TNFSF12: variants seen among roughly 807,000 people sequenced by gnomAD.
TNFSF12 encodes tumor necrosis factor ligand superfamily member 12.
A neutral mutation model predicts 31.2 loss-of-function variants in TNFSF12; 16 were observed. The observed-to-expected ratio is 0.51, with a 90% CI of 0.35 to 0.78. The LOEUF is 0.78. TNFSF12 is among the 30% of genes least tolerant of loss of function. The pLI, the probability that TNFSF12 is intolerant of heterozygous loss-of-function variation, is 0.01. For missense variants in TNFSF12, 324 were observed against 338.8 expected, an observed-to-expected ratio of 0.96 and a Z score of 0.34; for synonymous variants, 150 against 151.4, an observed-to-expected ratio of 0.99 and a Z score of 0.07.
rs932416252 is a variant in TNFSF12 at position 7,550,685 on chromosome 17, G to C, written c.284-114G>C. Reference sequence around the variant, plus strand: ...GAGGCCTGAGATTCTAAGGCCAGGAGTCTGGACAAGAATAAGGATGCCAGG... The same window carrying C: ...GAGGCCTGAGATTCTAAGGCCAGGACTCTGGACAAGAATAAGGATGCCAGG... On this transcript the variant is annotated intron_variant, in intron 3 of 6. Transcript: ENST00000293825. The surrounding 1 kb of genome is among the most constrained non-coding windows in gnomAD (Gnocchi z 4.4). 2.1e-5 allele frequency: 31 copies of C among 1,469,820 alleles called. No homozygotes were observed. Among genetic ancestry groups the C allele is most frequent in the Non-Finnish European group, 2.6e-5 (28 of 1,083,062 alleles). The allele number at this position is 1,469,820 out of a possible 1,614,324, so 91.0% of individuals were successfully genotyped here.
chr17:7,549,119 G>T lies in TNFSF12; in HGVS notation c.-35G>T. ...CCCCGATCCCTCGGGTCCCGGGATG[G>T]GGGGGCGGTGAGGCAGGCACAGCCC... On this transcript the variant is annotated 5_prime_UTR_variant, in exon 1 of 7. Coordinates refer to ENST00000293825, the MANE Select transcript of TNFSF12 (RefSeq NM_003809.3). The surrounding 1 kb of genome is among the most constrained non-coding windows in gnomAD (Gnocchi z 4.1). 1.6e-6 allele frequency: 2 copies of T among 1,246,124 alleles called. No individual in the cohort carries two copies. The highest frequency in any genetic ancestry group is 1.0e-6 in the Non-Finnish European group (1 of 996,014). 77.2% of individuals were successfully genotyped at this position (1,246,124 alleles called of 1,614,324 possible). A position where few individuals can be genotyped will look rare whatever the true frequency, so the allele number is the denominator to read the frequency against.
chr17:7,553,482 A>G, intron 5 of TNFSF12: 1 of 489,976 alleles, frequency 2.0e-6, no homozygotes, highest in Non-Finnish European at 4.0e-6. Context: ...ACATGTACTG[A>G]GGGCTTTCTT....
At position 7,556,779 on chromosome 17, in the gene TNFSF12, T is replaced by G; in HGVS notation, c.375T>G (p.Gly125=). 2 of 1,517,590 alleles carry G rather than the reference T, an allele frequency of 1.3e-6. No individual in the cohort carries two copies. Among genetic ancestry groups the G allele is most frequent in the East Asian group, 2.3e-5 (1 of 43,224 alleles). 94.0% of individuals were successfully genotyped at this position (1,517,590 alleles called of 1,614,324 possible). ...TTATCTCTGAGCATCCGTGTTCAGG[T>G]GTGGACGGGACAGTGAGTGGCTGGG... The part of the protein sequence containing the change: ...PRPGQDGAQA[G]VDGTVSGWEE... The change falls in exon 6 of 7, where the codon GGT becomes GGG. Residue 125 remains glycine (G), a splice_region_variant and synonymous_variant. Coordinates refer to ENST00000293825, the MANE Select transcript of TNFSF12 (RefSeq NM_003809.3).
intron 5 of TNFSF12, among the ~76,000 whole-genome samples, chr17:7,554,357 A>G (rs1597826178): frequency 8.3e-6 from 1 of 120,646 alleles, no homozygotes; most frequent in South Asian, 2.9e-4. Flanking sequence ...TCTGTCGCCC[A>G]GGCTGGAGTG....
chr17:7,556,690 C>T lies in TNFSF12; in HGVS notation c.374-88C>T, dbSNP rs533393020. 1.6e-5 allele frequency: 22 copies of T among 1,357,474 alleles called. No individual in the cohort carries two copies. In the Admixed American group the frequency reaches 1.7e-4, roughly 10 times the overall value. 84.1% of individuals were successfully genotyped at this position (1,357,474 alleles called of 1,614,324 possible). ...TGTGTCTTCTGGGTAAAGTGGGCGC[C>T]GAATGTTCATATGCTCAATGGATCC... On this transcript the variant is annotated intron_variant, in intron 5 of 6. Coordinates refer to ENST00000293825, the MANE Select transcript of TNFSF12 (RefSeq NM_003809.3).
intron 5 of TNFSF12, among the ~76,000 whole-genome samples, chr17:7,555,986 T>TTG (rs954703708): frequency 9.2e-5 from 12 of 130,350 alleles, no homozygotes; most frequent in African/African-American, 2.8e-4. Flanking sequence ...TTTTTTGTTT[T>TTG]TTTTTTTTTT....
At position 7,550,886 on chromosome 17, in the gene TNFSF12, G is replaced by GGGGCAGGTGGCAGAGGGTCA. The variant is rs757588906; in HGVS notation, c.337+43_338-29dup. On this transcript the variant is annotated intron_variant, in intron 4 of 6. Transcript: ENST00000293825. This position sits in a 1 kb window ranked among gnomAD's most constrained non-coding sequence, Gnocchi z 4.4. ...TGGGTGAGCCATACCCAGGAGGAGA[G>GGGGCAGGTGGCAGAGGGTCA]GGGCAGGTGGCAGAGGGTCAGGGCA... is the stretch of plus-strand genomic sequence containing the variant. 5.0e-6 allele frequency: 8 copies of GGGGCAGGTGGCAGAGGGTCA among 1,613,914 alleles called. No homozygotes were observed. The highest frequency in any genetic ancestry group is 6.8e-6 in the Non-Finnish European group (8 of 1,179,884).
chr17:7,555,364 G>A (rs2071048988), intron 5 of TNFSF12, among the ~76,000 whole-genome samples: 2 of 152,072 alleles, frequency 1.3e-5, no homozygotes, highest in South Asian at 2.1e-4. Context: ...TGGGGCAAAA[G>A]CCCCGGGTTT....
At position 7,549,608 on chromosome 17, in the gene TNFSF12, C is replaced by G. The variant is rs1459906526; in HGVS notation, c.207+87C>G. 2.1e-6 allele frequency: 3 copies of G among 1,442,522 alleles called. No homozygotes were observed. The highest frequency in any genetic ancestry group is 2.4e-5 in the Admixed American group (1 of 41,582). 89.4% of individuals were successfully genotyped at this position (1,442,522 alleles called of 1,614,324 possible). On this transcript the variant is annotated intron_variant, in intron 2 of 6. Coordinates refer to ENST00000293825, the MANE Select transcript of TNFSF12 (RefSeq NM_003809.3). The surrounding 1 kb of genome is among the most constrained non-coding windows in gnomAD (Gnocchi z 4.1). ...CTGCAGGTGTGTGCAGCTGTGCCAGCCGTACTCGAGGTGTGTGCAGGGTGT... is the reference window on the plus strand; with the variant it reads ...CTGCAGGTGTGTGCAGCTGTGCCAGGCGTACTCGAGGTGTGTGCAGGGTGT...
At chr17:7,553,127 G>A (rs752047978) in intron 5 of TNFSF12, among the ~76,000 whole-genome samples, 8 of 128,840 alleles carry the variant, frequency 6.2e-5, no homozygotes, top group African/African-American at 2.1e-4. Flanking sequence ...TCGGCTGACC[G>A]TAACCTCCAC....
chr17:7,549,139 C>G lies in TNFSF12; in HGVS notation c.-15C>G, dbSNP rs935162125. On this transcript the variant is annotated 5_prime_UTR_variant, in exon 1 of 7. Coordinates refer to ENST00000293825, the MANE Select transcript of TNFSF12 (RefSeq NM_003809.3). This position sits in a 1 kb window ranked among gnomAD's most constrained non-coding sequence, Gnocchi z 4.1. ...GGATGGGGGGGCGGTGAGGCAGGCACAGCCCCCCGCCCCCATGGCCGCCCG... is the reference window on the plus strand; with the variant it reads ...GGATGGGGGGGCGGTGAGGCAGGCAGAGCCCCCCGCCCCCATGGCCGCCCG... 2.0e-4 allele frequency: 247 copies of G among 1,264,360 alleles called. 3 individuals are homozygous for G. The highest frequency in any genetic ancestry group is 6.0e-4 in the Middle Eastern group (2 of 3,314). The allele number at this position is 1,264,360 out of a possible 1,614,324, so 78.3% of individuals were successfully genotyped here. A position where few individuals can be genotyped will look rare whatever the true frequency, so the allele number is the denominator to read the frequency against.
chr17:7,550,659 T>C lies in TNFSF12; in HGVS notation c.284-140T>C. 11 of 1,287,076 alleles carry C rather than the reference T, an allele frequency of 8.5e-6. No individual in the cohort carries two copies. The highest frequency in any genetic ancestry group is 1.2e-5 in the Non-Finnish European group (11 of 932,274). The allele number at this position is 1,287,076 out of a possible 1,614,324, so 79.7% of individuals were successfully genotyped here. On this transcript the variant is annotated intron_variant, in intron 3 of 6. Coordinates refer to ENST00000293825, the MANE Select transcript of TNFSF12 (RefSeq NM_003809.3). This position sits in a 1 kb window ranked among gnomAD's most constrained non-coding sequence, Gnocchi z 4.4. ...TAGTCACTCTACTTACTGAGGAAGATGAGGCCTGAGATTCTAAGGCCAGGA... is the reference window on the plus strand; with the variant it reads ...TAGTCACTCTACTTACTGAGGAAGACGAGGCCTGAGATTCTAAGGCCAGGA...
Position 7,556,859 on chromosome 17 carries a change from A to G in TNFSF12, c.455A>G (p.Glu152Gly). The G allele has an allele frequency of 6.4e-7, 1 of 1,553,254 alleles. No individual in the cohort carries two copies. ...SPLRYNRQIGEFIVTRAGLYY... is the reference protein window; with the variant it reads ...SPLRYNRQIGGFIVTRAGLYY... The stretch of plus-strand genomic sequence containing the variant: ...CTGCGCTACAACCGCCAGATCGGGG[A>G]GTTTATAGTCACCCGGGCTGGGCTC... Residue 152 changes from glutamate (E) to glycine (G), a missense_variant, in exon 6 of 7, where the codon GAG (glutamate) becomes GGG (glycine). By Grantham distance (98) the Glu-to-Gly change is moderately conservative. Coordinates refer to ENST00000293825, the MANE Select transcript of TNFSF12 (RefSeq NM_003809.3).
Position 7,550,171 on chromosome 17 carries a change from C to G in TNFSF12, c.259C>G (p.Arg87Gly). The change falls in exon 3 of 7, where the codon CGA (arginine) becomes GGA (glycine). Residue 87 changes from arginine to glycine, a missense_variant. Arg to Gly is a moderately radical substitution (Grantham distance 125). Coordinates refer to ENST00000293825, the MANE Select transcript of TNFSF12 (RefSeq NM_003809.3). This position sits in a 1 kb window ranked among gnomAD's most constrained non-coding sequence, Gnocchi z 4.4. ...ESQDPAPFLN[R>G]LVRPRRSAPK... ...CCAGGATCCTGCGCCTTTCCTGAAC[C>G]GACTAGTTCGGCCTCGCAGAAGTGG... The G allele has an allele frequency of 6.2e-7, 1 of 1,614,120 alleles. No homozygotes were observed.
chr17:7,550,766 C>T lies in TNFSF12; in HGVS notation c.284-33C>T, dbSNP rs966371507. The T allele has an allele frequency of 7.5e-6, 12 of 1,596,816 alleles. No individual in the cohort carries two copies. Among genetic ancestry groups the T allele is most frequent in the East Asian group, 4.5e-5 (2 of 44,398 alleles). ...TTGCTCTGGGACCCCCACTAGGGCC[C>T]GCTTTGCTCATCTGTCTTTCCTTGA... On this transcript the variant is annotated intron_variant, in intron 3 of 6. Transcript: ENST00000293825. This position sits in a 1 kb window ranked among gnomAD's most constrained non-coding sequence, Gnocchi z 4.4.
intron 5 of TNFSF12, among the ~76,000 whole-genome samples, chr17:7,554,852 C>T (rs999696331): frequency 2.6e-5 from 4 of 151,856 alleles, no homozygotes; most frequent in Non-Finnish European, 2.9e-5. Flanking sequence ...CTCCTGACCT[C>T]GTGATCCACC....
At chr17:7,555,973 G>GTTTTTTTGTTTTTTT (rs2071057339) in intron 5 of TNFSF12, among the ~76,000 whole-genome samples, 1 of 70,878 alleles carries the variant, frequency 1.4e-5, no homozygotes, top group Admixed American at 1.9e-4. Context: ...CCCAGTGAGC[G>GTTTTTTTGTTTTTTT]TTTTTTTTGT....
intron 5 of TNFSF12, chr17:7,553,452 T>TA: frequency 2.5e-6 from 1 of 403,936 alleles, no homozygotes. Flanking sequence ...CTGTGAACAA[T>TA]ACTATTTTCA....
intron 5 of TNFSF12, among the ~76,000 whole-genome samples, chr17:7,554,707 C>T (rs942165714): frequency 2.1e-5 from 3 of 144,854 alleles, no homozygotes; most frequent in Non-Finnish European, 3.0e-5. Flanking sequence ...GCAGCCTTCT[C>T]GGGTTCAAGT....
Sources: allele counts gnomAD v4.1 joint callset (sites outside exome capture counted in the v4.1 genomes callset), GRCh38; gene constraint gnomAD v4.1.1; non-coding constraint Gnocchi (gnomAD v3.1); transcripts MANE v1.5; gene names NCBI Gene and HGNC (gene_info 2026-07-23, HGNC 2026-07-21).